The following NOL4L variants were observed in gnomAD, a reference collection of about 807,000 sequenced individuals.
NOL4L encodes nucleolar protein 4 like.
In NOL4L, 7 loss-of-function variants were observed where a neutral mutation model predicts 64.5. That is an observed-to-expected ratio of 0.11 (90% CI 0.06 to 0.20). The LOEUF is 0.20. NOL4L is among the 10% of genes least tolerant of loss of function. NOL4L has a pLI of 1.00. For missense variants in NOL4L, 680 were observed against 967.1 expected, an observed-to-expected ratio of 0.70 and a Z score of 3.94; for synonymous variants, 413 against 401.0, an observed-to-expected ratio of 1.03 and a Z score of -0.36.
At chr20:32,562,400 A>AG (rs1176701614) in intron 1 of NOL4L, among the ~76,000 whole-genome samples, 3 of 152,144 alleles carry the variant, frequency 2.0e-5, no homozygotes, top group Non-Finnish European at 2.9e-5. Flanking sequence ...GATAAAATCC[A>AG]GGCTGATTTG....
chr20:32,492,926 G>A (rs2016523381), intron 4 of NOL4L, among the ~76,000 whole-genome samples: 1 of 152,114 alleles, frequency 6.6e-6, no homozygotes, highest in Admixed American at 6.5e-5. Context: ...GGTGGGCCCT[G>A]CTAAGGTGAG....
intron 4 of NOL4L, chr20:32,509,755 C>A: frequency 7.8e-7 from 1 of 1,276,342 alleles, no homozygotes; most frequent in Non-Finnish European, 1.0e-6. Context: ...GAGATCGCAA[C>A]TTGCACGACA....
At chr20:32,510,602 C>T (rs192305350) in intron 4 of NOL4L, 1 of 155,326 alleles carries the variant, frequency 6.4e-6, no homozygotes, top group East Asian at 1.9e-4. Flanking sequence ...AATCCAATCC[C>T]CTGCTAGGGC....
In NOL4L at chr20:32,456,167, G is replaced by C; in HGVS notation, c.1070C>G (p.Ala357Gly). Residue 357 changes from alanine to glycine, a missense_variant, in exon 6 of 11, where the codon GCC (alanine) becomes GGC (glycine). Coordinates refer to ENST00000621426, the MANE Select transcript of NOL4L (RefSeq NM_001256798.2). ...TASYPSDGCG[A>G]DGLRSRVKYG... is the part of the protein sequence containing the mutation. ...TTTGACGCGGCTCCGCAGCCCGTCG[G>C]CACCGCAGCCATCCGAGGGGTAGGA... 1 of 1,586,548 alleles carries C rather than the reference G, an allele frequency of 6.3e-7. No individual in the cohort carries two copies. Among genetic ancestry groups the C allele is most frequent in the Non-Finnish European group, 8.6e-7 (1 of 1,165,188 alleles).
intron 1 of NOL4L, among the ~76,000 whole-genome samples, chr20:32,542,942 T>A (rs1299870930): frequency 6.6e-6 from 1 of 152,060 alleles, no homozygotes; most frequent in Non-Finnish European, 1.5e-5. Context: ...CACGGGGTTG[T>A]GAGGATTTTA....
At chr20:32,537,155 C>A in intron 1 of NOL4L, 2 of 978,692 alleles carry the variant, frequency 2.0e-6, no homozygotes, top group Non-Finnish European at 2.4e-6. Flanking sequence ...ATGTGCCAGG[C>A]GCCGTGCCAA....
intron 1 of NOL4L, among the ~76,000 whole-genome samples, chr20:32,547,402 C>T (rs2018747116): frequency 6.6e-6 from 1 of 152,164 alleles, no homozygotes; most frequent in Non-Finnish European, 1.5e-5. Context: ...GGGATCCTCC[C>T]ACCTCAGCCT....
intron 1 of NOL4L, among the ~76,000 whole-genome samples, chr20:32,544,542 G>C (rs2018706369): frequency 6.6e-6 from 1 of 152,058 alleles, no homozygotes; most frequent in African/African-American, 2.4e-5. Flanking sequence ...TGAGATTTGT[G>C]CTTTTGAAGG....
Position 32,531,280 on chromosome 20 carries a change from G to C in NOL4L, c.322-3367C>G, listed in dbSNP as rs115643277. Among the ~76,000 whole-genome samples, 538 of 152,300 alleles carry C rather than the reference G, an allele frequency of 3.5e-3. 3 individuals carry two copies. Among genetic ancestry groups the C allele is most frequent in the African/African-American group, 0.013 (529 of 41,558 alleles). On this transcript the variant is annotated intron_variant, in intron 1 of 10. Coordinates refer to ENST00000621426, the MANE Select transcript of NOL4L (RefSeq NM_001256798.2). ...GAATGGAGAAAGAAAGCAATCTGAT[G>C]AGGAGACAATATTTTATGTAGGTGA...
intron 1 of NOL4L, among the ~76,000 whole-genome samples, chr20:32,583,714 C>A (rs1980670006): frequency 6.7e-6 from 1 of 149,002 alleles, no homozygotes; most frequent in South Asian, 2.1e-4. Context: ...GGGCCCGCGC[C>A]GCACGCCCTC....
chr20:32,471,431 C>T (rs2015015126), intron 5 of NOL4L, among the ~76,000 whole-genome samples: 1 of 152,202 alleles, frequency 6.6e-6, no homozygotes, highest in African/African-American at 2.4e-5. Context: ...TGAGAGCTGG[C>T]ACCCGCACAA....
chr20:32,495,114 C>T (rs1168984884), intron 4 of NOL4L, among the ~76,000 whole-genome samples: 2 of 152,232 alleles, frequency 1.3e-5, no homozygotes, highest in Non-Finnish European at 2.9e-5. Flanking sequence ...AGCAGACAAG[C>T]ATTTAGTTCC....
At chr20:32,470,140 G>T (rs182048265) in intron 5 of NOL4L, among the ~76,000 whole-genome samples, 18 of 152,376 alleles carry the variant, frequency 1.2e-4, no homozygotes, top group African/African-American at 4.3e-4. Context: ...CTCTCCCCTG[G>T]CGCTGGCTTC....
intron 10 of NOL4L, among the ~76,000 whole-genome samples, chr20:32,449,090 G>A (rs1007296401): frequency 6.6e-6 from 1 of 152,200 alleles, no homozygotes; most frequent in Non-Finnish European, 1.5e-5. Flanking sequence ...GGAAGCTCCT[G>A]GAATTTGAAA....
In NOL4L at chr20:32,456,316, G is replaced by T. The variant is rs758705851; in HGVS notation, c.921C>A (p.Asp307Glu). Residue 307 changes from aspartate to glutamate, a missense_variant, in exon 6 of 11, where the codon GAC becomes GAA. Coordinates refer to ENST00000621426, the MANE Select transcript of NOL4L (RefSeq NM_001256798.2). ...TGCCATTCATCTCGGGGAAGGCAGG[G>T]TCGCCCTGCGTGCTGCTCGACGTGG... ...NPSTSSSTQGDPAFPEMNGNG... is the reference protein window; with the variant it reads ...NPSTSSSTQGEPAFPEMNGNG... 11 of 1,570,642 alleles carry T rather than the reference G, an allele frequency of 7.0e-6. No homozygotes were observed. The South Asian group carries it at 9.4e-5, about 13-fold the overall frequency.
chr20:32,559,816 C>A (rs958802718), intron 1 of NOL4L, among the ~76,000 whole-genome samples: 1 of 152,256 alleles, frequency 6.6e-6, no homozygotes. Context: ...GCGTGGGCAT[C>A]CCTCTCGCCT....
In NOL4L at chr20:32,584,941, C is replaced by G; in HGVS notation, c.-51G>C. The G allele has an allele frequency of 3.8e-6, 4 of 1,058,446 alleles. 1 individual carries two copies. In the South Asian group the frequency reaches 1.3e-4, roughly 35 times the overall value. 65.6% of individuals were successfully genotyped at this position (1,058,446 alleles called of 1,614,324 possible). On this transcript the variant is annotated 5_prime_UTR_variant, in exon 1 of 11. Transcript: ENST00000621426. ...GGGGCGGGCCGGCCGCCGGGCCGCC[C>G]GGTGCCGGGACTGGGCTGGGCTGGG...
Position 32,447,085 on chromosome 20 carries a change from A to T in NOL4L, c.*511T>A. ...AGTGTAGTGATATGGAATGTTAGGTATGGGGATACATCCTTCTGATCAGAC... is the reference window on the plus strand; with the variant it reads ...AGTGTAGTGATATGGAATGTTAGGTTTGGGGATACATCCTTCTGATCAGAC... On this transcript the variant is annotated 3_prime_UTR_variant, in exon 11 of 11. Transcript: ENST00000621426. The T allele has an allele frequency of 2.6e-6, 1 of 391,592 alleles. No homozygotes were observed. The highest frequency in any genetic ancestry group is 5.0e-6 in the Non-Finnish European group (1 of 198,284). 24.3% of individuals were successfully genotyped at this position (391,592 alleles called of 1,614,324 possible). A position where few individuals can be genotyped will look rare whatever the true frequency, so the allele number is the denominator to read the frequency against.
intron 9 of NOL4L, 116 bp downstream of exon 9, chr20:32,452,768 C>G: frequency 6.7e-7 from 1 of 1,491,120 alleles, no homozygotes; most frequent in South Asian, 1.3e-5. Context: ...CTCCTGTTCC[C>G]CCTCTGCCCT....
Sources: gnomAD v4.1 joint callset for allele counts (sites outside exome capture counted in the v4.1 genomes callset) on GRCh38, gnomAD v4.1.1 for gene constraint, MANE v1.5 for transcripts, NCBI Gene and HGNC (gene_info 2026-07-23, HGNC 2026-07-21) for gene names.